Variants in MELK observed in about 807,000 individuals in gnomAD.
The protein encoded by MELK is maternal embryonic leucine zipper kinase, also known as pEg3 kinase.
Under a neutral mutation model 85.0 loss-of-function variants are expected in MELK, and 81 were observed. The observed-to-expected ratio is 0.95, with a 90% CI of 0.80 to 1.15. The LOEUF (loss-of-function observed/expected upper bound fraction) is 1.15. Among genes scored for constraint, MELK ranks in the 50% most tolerant of loss-of-function variants. MELK has a pLI of 0.00. For synonymous variants in MELK, 252 were observed against 265.0 expected (o/e 0.95, Z 0.48); for missense variants, 754 against 777.5 (o/e 0.97, Z 0.36).
At chr9:36,620,292 C>T (rs1827268374) in intron 8 of MELK, among the ~76,000 whole-genome samples, 1 of 152,150 alleles carries the variant, frequency 6.6e-6, no homozygotes, top group Non-Finnish European at 1.5e-5. Context: ...CCAGACATCC[C>T]ATCTTTTCTG....
intron 7 of MELK, chr9:36,606,829 G>A (rs2135816791): frequency 6.6e-6 from 1 of 151,218 alleles, no homozygotes; most frequent in South Asian, 2.1e-4. Flanking sequence ...GTGTCGCCCA[G>A]GCTGGAGTAC....
At chr9:36,591,887 C>G (rs1474450001) in intron 4 of MELK, among the ~76,000 whole-genome samples, 1 of 151,998 alleles carries the variant, frequency 6.6e-6, no homozygotes, top group Non-Finnish European at 1.5e-5. Flanking sequence ...GATTGCACCA[C>G]TGCACTCCAG....
intron 17 of MELK, among the ~76,000 whole-genome samples, chr9:36,675,178 G>A (rs904253962): frequency 5.9e-5 from 9 of 152,098 alleles, no homozygotes; most frequent in African/African-American, 9.7e-5. Flanking sequence ...TTCCAGCTAC[G>A]TGGGAGGCTG....
chr9:36,609,933 T>C (rs1825927595), intron 8 of MELK, among the ~76,000 whole-genome samples: 1 of 152,166 alleles, frequency 6.6e-6, no homozygotes, highest in South Asian at 2.1e-4. Context: ...GAATGCCATA[T>C]TATAACAGAG....
At chr9:36,615,384 G>A (rs867332849) in intron 8 of MELK, among the ~76,000 whole-genome samples, 18 of 117,368 alleles carry the variant, frequency 1.5e-4, no homozygotes, top group South Asian at 6.1e-4. Flanking sequence ...ACGGCTGGCC[G>A]GGCGGGGGGC....
intron 5 of MELK, among the ~76,000 whole-genome samples, chr9:36,596,102 C>T (rs894223105): frequency 6.6e-6 from 1 of 152,178 alleles, no homozygotes; most frequent in African/African-American, 2.4e-5. Flanking sequence ...AGGCGTGAGC[C>T]AGGGTACCTG....
chr9:36,668,389 G>A (rs1832581529), intron 14 of MELK, among the ~76,000 whole-genome samples: 1 of 152,146 alleles, frequency 6.6e-6, no homozygotes, highest in South Asian at 2.1e-4. Context: ...TTTAGATCAT[G>A]AGCTAATCAG....
chr9:36,614,159 C>T (rs983239548), intron 8 of MELK, among the ~76,000 whole-genome samples: 10 of 148,230 alleles, frequency 6.7e-5, no homozygotes, highest in Non-Finnish European at 5.9e-5. Context: ...TGCAGTGGTG[C>T]GTCTTGGCTC....
At chr9:36,624,023 G>A (rs968463851) in intron 8 of MELK, among the ~76,000 whole-genome samples, 2 of 151,284 alleles carry the variant, frequency 1.3e-5, no homozygotes, top group Non-Finnish European at 2.9e-5. Flanking sequence ...AATGCTTTAT[G>A]TATACTAAAT....
At chr9:36,663,080 C>CT (rs202077914) in intron 13 of MELK, among the ~76,000 whole-genome samples, 4,511 of 145,808 alleles carry the variant, frequency 0.031, 198 homozygotes, top group African/African-American at 0.099. Flanking sequence ...TTCCTTGTTT[C>CT]TTTTTTTTTT....
intron 10 of MELK, among the ~76,000 whole-genome samples, chr9:36,641,379 G>A (rs947764412): frequency 5.9e-5 from 9 of 152,212 alleles, no homozygotes; most frequent in South Asian, 2.1e-4. Flanking sequence ...GTTCAAGGCC[G>A]CATGGTTATT....
At chr9:36,573,177 C>T (rs1821265266) in intron 1 of MELK, 170 bp downstream of exon 1, 1 of 152,310 alleles carries the variant, frequency 6.6e-6, no homozygotes, top group Non-Finnish European at 1.5e-5. Context: ...TTTGACCTTT[C>T]CGACCCGCGG....
chr9:36,671,707 T>A (rs1014406967), intron 16 of MELK, among the ~76,000 whole-genome samples: 1 of 152,172 alleles, frequency 6.6e-6, no homozygotes, highest in Non-Finnish European at 1.5e-5. Flanking sequence ...GTGTCACTGG[T>A]GTGGACAATA....
intron 1 of MELK, among the ~76,000 whole-genome samples, chr9:36,578,100 TC>T (rs1397093974): frequency 1.3e-5 from 2 of 152,204 alleles, no homozygotes; most frequent in Non-Finnish European, 2.9e-5. Context: ...TTACGCTTCT[TC>T]CTTTTGCCAC....
chr9:36,673,757 T>A (rs1833098722), intron 16 of MELK, among the ~76,000 whole-genome samples: 1 of 152,246 alleles, frequency 6.6e-6, no homozygotes, highest in Admixed American at 6.5e-5. Context: ...TTAATATGCT[T>A]TGGCATTATA....
chr9:36,667,301 G>A lies in MELK; in HGVS notation c.1408+1720G>A, dbSNP rs182117189. ...CTCCCTAGTAGCTGGGATTACAGGCGCCTGCTACCACGCTCAGCTAATTTT... is the reference window on the plus strand; with the variant it reads ...CTCCCTAGTAGCTGGGATTACAGGCACCTGCTACCACGCTCAGCTAATTTT... On this transcript the variant is annotated intron_variant, in intron 14 of 17. Transcript: ENST00000298048. Among the ~76,000 whole-genome samples the A allele has an allele frequency of 5.3e-3, 808 of 151,958 alleles. 4 individuals are homozygous for A. Among genetic ancestry groups the A allele is most frequent in the Non-Finnish European group, 9.8e-3 (664 of 67,970 alleles).
chr9:36,596,694 C>T (rs115772804), intron 5 of MELK, among the ~76,000 whole-genome samples: 4,388 of 150,336 alleles, frequency 0.029, 217 homozygotes, highest in African/African-American at 0.1. Flanking sequence ...TCAAGCAGTT[C>T]TTTTGCCTCA....
At chr9:36,618,464 CTTAA>C (rs1426811572) in intron 8 of MELK, among the ~76,000 whole-genome samples, 7 of 151,096 alleles carry the variant, frequency 4.6e-5, no homozygotes, top group African/African-American at 7.3e-5. Context: ...GCCATATATA[CTTAA>C]GATTTGAGGT....
At chr9:36,626,884 G>A (rs575154286) in intron 8 of MELK, among the ~76,000 whole-genome samples, 54 of 151,336 alleles carry the variant, frequency 3.6e-4, no homozygotes, top group African/African-American at 1.2e-3. Flanking sequence ...GCTTGAACCC[G>A]GGAGGCAGAG....
Sources: allele counts gnomAD v4.1 joint callset (sites outside exome capture counted in the v4.1 genomes callset), GRCh38; gene constraint gnomAD v4.1.1; transcripts MANE v1.5; gene names NCBI Gene and HGNC (gene_info 2026-07-23, HGNC 2026-07-21).